KHDRBS2: variants seen among roughly 807,000 people sequenced by gnomAD.
KHDRBS2 encodes KH domain-containing, RNA-binding, signal transduction-associated protein 2.
In KHDRBS2, 26 loss-of-function variants were observed where a neutral mutation model predicts 44.3. The ratio of observed to expected loss-of-function variants is 0.59; its 90% CI spans 0.43 to 0.81. The LOEUF is 0.81. Among genes scored for constraint, KHDRBS2 ranks in the 40% least tolerant of loss-of-function variants. The pLI, the probability that KHDRBS2 is intolerant of heterozygous loss-of-function variation, is 0.00. For missense variants in KHDRBS2, 476 were observed against 433.1 expected (o/e 1.10, Z -0.88); for synonymous variants, 194 against 151.1 (o/e 1.28, Z -2.08).
At chr6:62,018,701 T>C (rs1781714005) in intron 3 of KHDRBS2, among the ~76,000 whole-genome samples, 1 of 152,192 alleles carries the variant, frequency 6.6e-6, no homozygotes, top group South Asian at 2.1e-4. Context: ...AGAAGACTCA[T>C]GGACATAAGA....
chr6:61,647,157 G>A, the KHDRBS2 span, among the ~76,000 whole-genome samples: 7 of 152,004 alleles, frequency 4.6e-5, no homozygotes, highest in South Asian at 2.1e-4. Context: ...GATCTTTATC[G>A]TCTTTACAAC....
chr6:61,550,416 C>T, the KHDRBS2 span, among the ~76,000 whole-genome samples: 3 of 152,136 alleles, frequency 2.0e-5, no homozygotes, highest in Non-Finnish European at 4.4e-5. Flanking sequence ...ATATGTACCA[C>T]ATTTGCTTTA....
chr6:61,939,134 T>C (rs1811618837), intron 4 of KHDRBS2, among the ~76,000 whole-genome samples: 1 of 152,170 alleles, frequency 6.6e-6, no homozygotes, highest in Admixed American at 6.5e-5. Flanking sequence ...CACCAAAAAT[T>C]ATCTGGCCTG....
intron 1 of KHDRBS2, among the ~76,000 whole-genome samples, chr6:62,192,126 T>C (rs1426523096): frequency 2.0e-5 from 3 of 152,064 alleles, no homozygotes; most frequent in African/African-American, 7.2e-5. Context: ...TCAGAGAGCT[T>C]ATTTTATTCA....
chr6:61,957,173 A>T (rs1321187067), intron 4 of KHDRBS2, among the ~76,000 whole-genome samples: 1 of 152,132 alleles, frequency 6.6e-6, no homozygotes, highest in African/African-American at 2.4e-5. Context: ...CCTTACTTTA[A>T]TCTCTTAATC....
chr6:61,693,308 T>G (rs935633153), intron 8 of KHDRBS2, among the ~76,000 whole-genome samples: 2 of 152,106 alleles, frequency 1.3e-5, no homozygotes, highest in Admixed American at 6.6e-5. Flanking sequence ...TCCTACTACA[T>G]GATATCTAAT....
the KHDRBS2 span, among the ~76,000 whole-genome samples, chr6:61,630,912 GT>G: frequency 2.6e-4 from 40 of 152,202 alleles, no homozygotes; most frequent in East Asian, 5.6e-3. Flanking sequence ...GTATTCTGTG[GT>G]TTTTTAGACT....
intron 4 of KHDRBS2, among the ~76,000 whole-genome samples, chr6:61,920,972 A>G (rs1807968509): frequency 6.6e-6 from 1 of 151,982 alleles, no homozygotes; most frequent in South Asian, 2.1e-4. Flanking sequence ...TATTCAGGGA[A>G]AGGAGGCAGG....
intron 6 of KHDRBS2, among the ~76,000 whole-genome samples, chr6:61,787,649 A>C (rs537312781): frequency 6.6e-6 from 1 of 151,756 alleles, no homozygotes; most frequent in African/African-American, 2.4e-5. Context: ...TGAATCTAAA[A>C]AGCCCTGGTA....
downstream of KHDRBS2, among the ~76,000 whole-genome samples, chr6:61,675,425 T>C (rs1561957683): frequency 2.6e-5 from 4 of 151,726 alleles, no homozygotes; most frequent in Non-Finnish European, 4.4e-5. Context: ...GTGAAAATTA[T>C]CTAAATATTA....
chr6:62,130,528 A>G (rs938947696), intron 2 of KHDRBS2, among the ~76,000 whole-genome samples: 1 of 152,026 alleles, frequency 6.6e-6, no homozygotes, highest in Non-Finnish European at 1.5e-5. Flanking sequence ...TTAATGAGCA[A>G]TGGTATTTAT....
At chr6:61,951,942 A>G (rs187824477) in intron 4 of KHDRBS2, among the ~76,000 whole-genome samples, 2 of 152,036 alleles carry the variant, frequency 1.3e-5, no homozygotes, top group South Asian at 2.1e-4. Flanking sequence ...TATCTGTACA[A>G]TCAAAGAAAG....
At chr6:61,601,008 G>A in the KHDRBS2 span, among the ~76,000 whole-genome samples, 7 of 152,126 alleles carry the variant, frequency 4.6e-5, no homozygotes, top group African/African-American at 7.2e-5. Context: ...CTGCAGGGAC[G>A]TCTGCCTGAT....
chr6:61,655,378 C>A, the KHDRBS2 span, among the ~76,000 whole-genome samples: 2 of 151,964 alleles, frequency 1.3e-5, no homozygotes, highest in Non-Finnish European at 2.9e-5. Flanking sequence ...CTCAGCCTCC[C>A]AAGTAGCTGG....
intron 2 of KHDRBS2, among the ~76,000 whole-genome samples, chr6:62,152,254 G>C (rs1391576130): frequency 6.6e-6 from 1 of 152,172 alleles, no homozygotes; most frequent in Non-Finnish European, 1.5e-5. Context: ...GGGAGGCAGA[G>C]GTTGAGGTGA....
At chr6:61,762,347 T>A (rs1779385741) in intron 6 of KHDRBS2, among the ~76,000 whole-genome samples, 1 of 152,182 alleles carries the variant, frequency 6.6e-6, no homozygotes, top group Non-Finnish European at 1.5e-5. Context: ...TAGCCAGTAA[T>A]ATAGTTTGGA....
chr6:61,757,746 C>T (rs182204902), intron 6 of KHDRBS2, among the ~76,000 whole-genome samples: 4 of 152,084 alleles, frequency 2.6e-5, no homozygotes, highest in Non-Finnish European at 4.4e-5. Context: ...TTCAGTTTTG[C>T]CTCTAATAAT....
At chr6:61,825,095 G>A (rs540673749) in intron 6 of KHDRBS2, among the ~76,000 whole-genome samples, 1 of 152,032 alleles carries the variant, frequency 6.6e-6, no homozygotes, top group African/African-American at 2.4e-5. Context: ...TGTTATTTTA[G>A]CTGAAATCAA....
chr6:62,204,656 T>C (rs544679466), intron 1 of KHDRBS2, among the ~76,000 whole-genome samples: 2 of 152,158 alleles, frequency 1.3e-5, no homozygotes, highest in Non-Finnish European at 2.9e-5. Context: ...CTCATGTTTC[T>C]GTACTTTTTA....
Sources: gnomAD v4.1 joint callset for allele counts (sites outside exome capture counted in the v4.1 genomes callset) on GRCh38, gnomAD v4.1.1 for gene constraint, MANE v1.5 for transcripts, NCBI Gene and HGNC (gene_info 2026-07-23, HGNC 2026-07-21) for gene names.